Variants in ADCY3 observed in about 807,000 individuals in gnomAD.
The protein encoded by ADCY3 is adenylate cyclase type 3.
Under a neutral mutation model 119.4 loss-of-function variants are expected in ADCY3, and 70 were observed. The ratio of observed to expected loss-of-function variants is 0.59; its 90% confidence interval spans 0.48 to 0.72. The LOEUF (loss-of-function observed/expected upper bound fraction) is 0.72. Ranked by LOEUF, ADCY3 falls within the 30% of genes least tolerant of loss-of-function variation. The probability of loss-of-function intolerance (pLI) is 0.00; values close to 1 mark genes in which losing one functional copy is unlikely to be tolerated. For synonymous variants in ADCY3, 672 were observed against 621.4 expected (o/e 1.08, Z -1.21); for missense variants, 1,238 against 1,541.6 (o/e 0.80, Z 3.30).
At chr2:24,837,489 A>C (rs1670454708) in intron 8 of ADCY3, among the ~76,000 whole-genome samples, 1 of 152,178 alleles carries the variant, frequency 6.6e-6, no homozygotes, top group Non-Finnish European at 1.5e-5. Context: ...AGCGGGGAGT[A>C]TCAGCCTTCA....
intron 2 of ADCY3, among the ~76,000 whole-genome samples, chr2:24,904,252 G>A (rs1284315139): frequency 2.0e-5 from 3 of 152,154 alleles, no homozygotes; most frequent in Non-Finnish European, 4.4e-5. Context: ...TATTCTAGCC[G>A]GGTGTGGTGG....
At position 24,841,172 on chromosome 2, in the gene ADCY3, T is replaced by C; in HGVS notation, c.1196+87A>G. ...CAGCAGATCCCCCACCCAGGGGCCA[T>C]GGCCAGCGCGGAAGACCTGCTTCTC... On this transcript the variant is annotated intron_variant, in intron 6 of 21. Coordinates refer to ENST00000679454, the MANE Select transcript of ADCY3 (RefSeq NM_004036.5). This position sits in a 1 kb window ranked among gnomAD's most constrained non-coding sequence, Gnocchi z 5.8. 1 of 1,406,930 alleles carries C rather than the reference T, an allele frequency of 7.1e-7. No homozygotes were observed. The highest frequency in any genetic ancestry group is 2.6e-5 in the Admixed American group (1 of 39,158). The allele number at this position is 1,406,930 out of a possible 1,614,324, so 87.2% of individuals were successfully genotyped here. A position where few individuals can be genotyped will look rare whatever the true frequency, so the allele number is the denominator to read the frequency against.
chr2:24,831,819 G>C (rs1308359754), intron 11 of ADCY3, 70 bp from the exon 12 acceptor site: 2 of 673,052 alleles, frequency 3.0e-6, no homozygotes, highest in Non-Finnish European at 4.8e-6. Context: ...GCTAGGAGAG[G>C]AAGGGACGGG....
rs1457172337 is a variant in ADCY3, at chr2:24,902,032, CTCTGTGTG to C, written c.675+16273_675+16280del. Among the ~76,000 whole-genome samples the C allele has an allele frequency of 1.1e-3, 138 of 122,866 alleles. 1 individual carries two copies. The highest frequency in any genetic ancestry group is 4.6e-3 in the African/African-American group (132 of 28,872). The allele number at this position is 122,866 out of a possible 152,430, so 80.6% of individuals were successfully genotyped here. A position where few individuals can be genotyped will look rare whatever the true frequency, so the allele number is the denominator to read the frequency against. On this transcript the variant is annotated intron_variant, in intron 2 of 21. Coordinates refer to ENST00000679454, the MANE Select transcript of ADCY3 (RefSeq NM_004036.5). ...TTTTAGTAGATGGCACACATTTTAA[CTCTGTGTG>C]TGTGTGTGTGTGTGTGTGTGTGTGT...
chr2:24,867,950 A>G (rs1397615013), intron 3 of ADCY3, among the ~76,000 whole-genome samples: 1 of 152,236 alleles, frequency 6.6e-6, no homozygotes, highest in Non-Finnish European at 1.5e-5. Context: ...TCATGACTAA[A>G]GAGGTAAGTA....
intron 3 of ADCY3, among the ~76,000 whole-genome samples, chr2:24,846,649 G>A (rs544146394): frequency 1.3e-5 from 2 of 150,580 alleles, no homozygotes; most frequent in East Asian, 3.9e-4. Flanking sequence ...TGCAATCTCA[G>A]CTCACTGCAA....
intron 2 of ADCY3, among the ~76,000 whole-genome samples, chr2:24,911,788 A>G (rs1432866979): frequency 6.7e-6 from 1 of 150,358 alleles, no homozygotes; most frequent in Non-Finnish European, 1.5e-5. Flanking sequence ...GCCTCAAGTG[A>G]TATTCCTGCC....
At chr2:24,844,735 T>C (rs1379133522) in intron 3 of ADCY3, among the ~76,000 whole-genome samples, 1 of 152,206 alleles carries the variant, frequency 6.6e-6, no homozygotes, top group Admixed American at 6.5e-5. Flanking sequence ...TCACCTTTCT[T>C]GCAGGGAATC....
chr2:24,889,853 A>G (rs1677477766), intron 2 of ADCY3, among the ~76,000 whole-genome samples: 1 of 152,256 alleles, frequency 6.6e-6, no homozygotes, highest in South Asian at 2.1e-4. Context: ...ATAAATGAAT[A>G]AATAAAATTG....
rs1376918282 is a variant in ADCY3, at chr2:24,820,087, G to A, written c.3280C>T (p.Arg1094Ter). ...QVVEETQVIL[R>*]EYGFRFVRRG... ...CTCACAAAGCGGAAGCCGTACTCTC[G>A]GAGGATGACTTGGGTTTCTTCTACC... is the stretch of plus-strand genomic sequence containing the variant. The change falls in exon 22 of 22, where the codon CGA becomes TGA. Residue 1094 changes from arginine to a stop codon, truncating the protein, a stop_gained. Coordinates refer to ENST00000679454, the MANE Select transcript of ADCY3 (RefSeq NM_004036.5). LOFTEE classifies it high-confidence loss of function. 4 of 1,560,790 alleles carry A rather than the reference G, an allele frequency of 2.6e-6. No homozygotes were observed. Among genetic ancestry groups the A allele is most frequent in the South Asian group, 1.2e-5 (1 of 84,078 alleles).
At position 24,842,389 on chromosome 2, in the gene ADCY3, G is replaced by A. The variant is rs1463663716; in HGVS notation, c.826-5C>T. On this transcript the variant is annotated splice_region_variant and splice_polypyrimidine_tract_variant and intron_variant, in intron 3 of 21. Coordinates refer to ENST00000679454, the MANE Select transcript of ADCY3 (RefSeq NM_004036.5). This position sits in a 1 kb window ranked among gnomAD's most constrained non-coding sequence, Gnocchi z 4.9. ...GATGGAAAGCATGAGGTTCTCCTGTGAGGGGCAGGAGAGGGTCAGAGGCAA... is the reference window on the plus strand; with the variant it reads ...GATGGAAAGCATGAGGTTCTCCTGTAAGGGGCAGGAGAGGGTCAGAGGCAA... 11 of 1,613,990 alleles carry A rather than the reference G, an allele frequency of 6.8e-6. No homozygotes were observed. The highest frequency in any genetic ancestry group is 2.2e-5 in the East Asian group (1 of 44,886).
chr2:24,880,625 T>C (rs552464506), intron 2 of ADCY3, among the ~76,000 whole-genome samples: 3 of 152,338 alleles, frequency 2.0e-5, no homozygotes, highest in African/African-American at 7.2e-5. Context: ...AGAAAGTGAC[T>C]AGGTAGCTGC....
chr2:24,835,161 C>A (rs1398351001), intron 9 of ADCY3, among the ~76,000 whole-genome samples: 1 of 152,172 alleles, frequency 6.6e-6, no homozygotes, highest in South Asian at 2.1e-4. Context: ...GCTCCCCGGG[C>A]CCCCCACCCA....
chr2:24,842,141 G>A lies in ADCY3; in HGVS notation c.956+113C>T. 2 of 1,472,060 alleles carry A rather than the reference G, an allele frequency of 1.4e-6. No homozygotes were observed. The highest frequency in any genetic ancestry group is 1.8e-6 in the Non-Finnish European group (2 of 1,084,056). The allele number at this position is 1,472,060 out of a possible 1,614,324, so 91.2% of individuals were successfully genotyped here. ...GCTGATGAATGCTGTGGGAGGCCTTGCTTCTAGTCCCTGGAAAACCTCTTG... is the reference window on the plus strand; with the variant it reads ...GCTGATGAATGCTGTGGGAGGCCTTACTTCTAGTCCCTGGAAAACCTCTTG... On this transcript the variant is annotated intron_variant, in intron 4 of 21. Coordinates refer to ENST00000679454, the MANE Select transcript of ADCY3 (RefSeq NM_004036.5). The surrounding 1 kb of genome is among the most constrained non-coding windows in gnomAD (Gnocchi z 4.9).
chr2:24,821,592 C>T lies in ADCY3; in HGVS notation c.3052G>A (p.Asp1018Asn), dbSNP rs747746171. 1.4e-5 allele frequency: 23 copies of T among 1,614,046 alleles called. No homozygotes were observed. The highest frequency in any genetic ancestry group is 1.5e-5 in the Non-Finnish European group (18 of 1,180,040). Residue 1018 changes from aspartate (D) to asparagine (N), a missense_variant, in exon 20 of 22, where the codon GAC (aspartate) becomes AAC (asparagine). Asp to Asn is a conservative substitution (Grantham distance 23). Coordinates refer to ENST00000679454, the MANE Select transcript of ADCY3 (RefSeq NM_004036.5). ...GTATCCTTCATGGCCAGCGCGAAGT[C>T]GGCCAGGTCAGCCAGGTGCTGCCAG... ...ERWQHLADLA[D>N]FALAMKDTLT...
chr2:24,906,727 C>T (rs191680158), intron 2 of ADCY3, among the ~76,000 whole-genome samples: 49 of 152,370 alleles, frequency 3.2e-4, no homozygotes, highest in Admixed American at 4.6e-4. Flanking sequence ...AAATGACACA[C>T]ATGGTATTAC....
chr2:24,872,526 C>A lies in ADCY3; in HGVS notation c.825+44G>T. 1 of 1,600,858 alleles carries A rather than the reference C, an allele frequency of 6.2e-7. No homozygotes were observed. The highest frequency in any genetic ancestry group is 1.1e-5 in the South Asian group (1 of 88,858). On this transcript the variant is annotated intron_variant, in intron 3 of 21. Transcript: ENST00000679454. This position sits in a 1 kb window ranked among gnomAD's most constrained non-coding sequence, Gnocchi z 4.4. Reference sequence around the variant, plus strand: ...CCTCTCCCTCTGACAAGGCCACAGTCCCTGAGCCCAAGCTCCAGGCCCGAG... The same window carrying A: ...CCTCTCCCTCTGACAAGGCCACAGTACCTGAGCCCAAGCTCCAGGCCCGAG...
At chr2:24,833,234 G>A (rs1474599541) in intron 11 of ADCY3, among the ~76,000 whole-genome samples, 2 of 152,198 alleles carry the variant, frequency 1.3e-5, no homozygotes, top group East Asian at 1.9e-4. Context: ...GTGGAAGCTG[G>A]CACCCTGCAG....
intron 2 of ADCY3, among the ~76,000 whole-genome samples, chr2:24,888,988 G>A (rs992398618): frequency 4.6e-5 from 7 of 152,330 alleles, no homozygotes; most frequent in Admixed American, 1.3e-4. Flanking sequence ...TAGCATGGGC[G>A]ACAGAGCGAG....
Sources: gnomAD v4.1 joint callset for allele counts (sites outside exome capture counted in the v4.1 genomes callset) on GRCh38, gnomAD v4.1.1 for gene constraint, Gnocchi (gnomAD v3.1) non-coding constraint, MANE v1.5 for transcripts, NCBI Gene and HGNC (gene_info 2026-07-23, HGNC 2026-07-21) for gene names.